ANKS1A: variants seen among roughly 807,000 people sequenced by gnomAD.
ANKS1A encodes the protein ankyrin repeat and SAM domain-containing protein 1A.
Under a neutral mutation model 120.3 loss-of-function variants are expected in ANKS1A, and 55 were observed. That is an observed-to-expected ratio of 0.46 (90% CI 0.37 to 0.57). ANKS1A has a LOEUF of 0.57. Ranked by LOEUF, ANKS1A falls within the 20% of genes least tolerant of loss-of-function variation. The pLI, the probability that ANKS1A is intolerant of heterozygous loss-of-function variation, is 0.00. For missense variants in ANKS1A, 1,123 were observed against 1,480.3 expected, an observed-to-expected ratio of 0.76 and a Z score of 3.96; for synonymous variants, 590 against 604.7, an observed-to-expected ratio of 0.98 and a Z score of 0.36.
intron 10 of ANKS1A, among the ~76,000 whole-genome samples, chr6:35,012,154 C>T (rs1311296406): frequency 6.6e-6 from 1 of 152,160 alleles, no homozygotes; most frequent in African/African-American, 2.4e-5. Flanking sequence ...AATCCCAAAG[C>T]CCTGGAGAAT....
At chr6:35,018,161 G>A (rs1422424679) in intron 11 of ANKS1A, 102 bp downstream of exon 11, 2 of 1,171,896 alleles carry the variant, frequency 1.7e-6, no homozygotes, top group East Asian at 2.4e-5. Flanking sequence ...ATCTGGGCAA[G>A]GTTGCTCTGG....
In ANKS1A at chr6:35,085,643, A is replaced by C; in HGVS notation, c.3133-123A>C. 1 of 901,514 alleles carries C rather than the reference A, an allele frequency of 1.1e-6. No individual in the cohort carries two copies. The highest frequency in any genetic ancestry group is 1.6e-6 in the Non-Finnish European group (1 of 622,358). 55.8% of individuals were successfully genotyped at this position (901,514 alleles called of 1,614,324 possible). A position where few individuals can be genotyped will look rare whatever the true frequency, so the allele number is the denominator to read the frequency against. ...AAGGAGGGAAAGGAGGGAAGAGTGG[A>C]AGGAGGTAGGAGCGCTCCCGGGTAG... On this transcript the variant is annotated intron_variant, in intron 21 of 23. Transcript: ENST00000360359. This position sits in a 1 kb window ranked among gnomAD's most constrained non-coding sequence, Gnocchi z 4.7.
chr6:35,080,471 G>A (rs77633786), intron 16 of ANKS1A, among the ~76,000 whole-genome samples: 7,168 of 152,248 alleles, frequency 0.047, 362 homozygotes, highest in African/African-American at 0.13. Flanking sequence ...GCCGCTCCCC[G>A]AGCCCTCGGG....
intron 11 of ANKS1A, among the ~76,000 whole-genome samples, chr6:35,039,267 C>T (rs973925534): frequency 7.3e-5 from 10 of 137,006 alleles, no homozygotes; most frequent in South Asian, 4.5e-4. Context: ...GGCATGATCT[C>T]GGCTCACTGC....
intron 10 of ANKS1A, among the ~76,000 whole-genome samples, chr6:35,003,238 A>T (rs1422611025): frequency 6.6e-6 from 1 of 152,180 alleles, no homozygotes; most frequent in African/African-American, 2.4e-5. Flanking sequence ...TCATGGGGAT[A>T]CCAGACCCCC....
chr6:34,906,834 C>T (rs1354040567), intron 1 of ANKS1A, among the ~76,000 whole-genome samples: 2 of 152,206 alleles, frequency 1.3e-5, no homozygotes, highest in Non-Finnish European at 2.9e-5. Context: ...ATTTAATTCT[C>T]TTCCCTTTTT....
intron 13 of ANKS1A, among the ~76,000 whole-genome samples, chr6:35,070,621 C>T (rs1441540491): frequency 1.3e-5 from 2 of 150,844 alleles, no homozygotes; most frequent in Non-Finnish European, 2.9e-5. Context: ...GCCCGAGTAG[C>T]TGGGACTACA....
At chr6:35,005,178 A>G (rs1773386476) in intron 10 of ANKS1A, among the ~76,000 whole-genome samples, 1 of 152,234 alleles carries the variant, frequency 6.6e-6, no homozygotes, top group African/African-American at 2.4e-5. Context: ...GTGCATGTCT[A>G]GATCTAATGG....
At chr6:35,006,658 G>A (rs2127548989) in intron 10 of ANKS1A, among the ~76,000 whole-genome samples, 1 of 152,166 alleles carries the variant, frequency 6.6e-6, no homozygotes, top group Non-Finnish European at 1.5e-5. Context: ...GGGAAGCTGA[G>A]GCAGGAGAAT....
chr6:34,966,044 G>C (rs1321588088), intron 1 of ANKS1A, among the ~76,000 whole-genome samples: 1 of 152,128 alleles, frequency 6.6e-6, no homozygotes, highest in Non-Finnish European at 1.5e-5. Context: ...CACCTGGCCT[G>C]TGTCATTGAT....
chr6:34,952,996 C>T (rs1770160405), intron 1 of ANKS1A, among the ~76,000 whole-genome samples: 1 of 152,202 alleles, frequency 6.6e-6, no homozygotes, highest in African/African-American at 2.4e-5. Context: ...AGGCGTGAGC[C>T]ACCATGGCCC....
intron 11 of ANKS1A, among the ~76,000 whole-genome samples, chr6:35,027,556 A>G (rs1276412591): frequency 3.3e-5 from 5 of 152,148 alleles, no homozygotes; most frequent in Admixed American, 3.3e-4. Context: ...TGGCAGCCAG[A>G]TGGTGGGGGA....
intron 10 of ANKS1A, among the ~76,000 whole-genome samples, chr6:35,001,695 C>T (rs1773175641): frequency 1.3e-5 from 2 of 152,204 alleles, no homozygotes; most frequent in Non-Finnish European, 2.9e-5. Context: ...TCAGTCAGCC[C>T]TTGTTCATCC....
downstream of ANKS1A, among the ~76,000 whole-genome samples, chr6:35,094,822 C>T (rs1778409875): frequency 6.9e-6 from 1 of 145,926 alleles, no homozygotes; most frequent in East Asian, 2.0e-4. Flanking sequence ...ATTGTGTCAA[C>T]GAAGAAGAGG....
intron 11 of ANKS1A, among the ~76,000 whole-genome samples, chr6:35,039,906 C>G (rs1775371915): frequency 1.3e-5 from 2 of 152,216 alleles, no homozygotes. Context: ...TGCCAGCCAG[C>G]ATGGCCCCTG....
In ANKS1A at chr6:35,082,541, A is replaced by G; in HGVS notation, c.2710-150A>G. The stretch of plus-strand genomic sequence containing the variant: ...CTCCCCTCTCCCGCAGTGTGTTTGA[A>G]TTGCTGGTCTGCCCCCTGCCATCTC... On this transcript the variant is annotated intron_variant, in intron 17 of 23. Transcript: ENST00000360359. The surrounding 1 kb of genome is among the most constrained non-coding windows in gnomAD (Gnocchi z 4.1). 1.0e-6 allele frequency: 1 copy of G among 1,002,102 alleles called. No homozygotes were observed. Among genetic ancestry groups the G allele is most frequent in the Non-Finnish European group, 1.4e-6 (1 of 720,658 alleles). The allele number at this position is 1,002,102 out of a possible 1,614,324, so 62.1% of individuals were successfully genotyped here.
intron 3 of ANKS1A, among the ~76,000 whole-genome samples, chr6:34,975,142 T>C (rs530878360): frequency 4.6e-5 from 7 of 152,336 alleles, no homozygotes; most frequent in East Asian, 1.9e-4. Flanking sequence ...GAAAGGCCAA[T>C]TGATGCAAAC....
At chr6:35,077,227 C>T (rs544931580) in intron 13 of ANKS1A, among the ~76,000 whole-genome samples, 1 of 152,138 alleles carries the variant, frequency 6.6e-6, no homozygotes, top group Non-Finnish European at 1.5e-5. Context: ...CATAACAGGC[C>T]TAGACACGAC....
At chr6:34,909,350 G>A (rs139361217) in intron 1 of ANKS1A, among the ~76,000 whole-genome samples, 14 of 151,958 alleles carry the variant, frequency 9.2e-5, no homozygotes, top group African/African-American at 3.4e-4. Context: ...TTTCCATTGC[G>A]CCATGCTCTA....
Sources: gnomAD v4.1 joint callset for allele counts (sites outside exome capture counted in the v4.1 genomes callset) on GRCh38, gnomAD v4.1.1 for gene constraint, Gnocchi (gnomAD v3.1) non-coding constraint, MANE v1.5 for transcripts, NCBI Gene and HGNC (gene_info 2026-07-23, HGNC 2026-07-21) for gene names.